FKBP10: variants seen among roughly 807,000 people sequenced by gnomAD.
FKBP10 encodes the protein FKBP prolyl isomerase 10.
Under a neutral mutation model 53.7 loss-of-function variants are expected in FKBP10, and 34 were observed. That is an observed-to-expected ratio of 0.63 (90% CI 0.48 to 0.84). The LOEUF (loss-of-function observed/expected upper bound fraction) is 0.84, where lower values mean the gene tolerates loss of function less well. FKBP10 is among the 40% of genes least tolerant of loss of function. FKBP10 has a pLI of 0.00. For synonymous variants in FKBP10, 324 were observed against 335.7 expected (o/e 0.97, Z 0.38); for missense variants, 748 against 797.8 (o/e 0.94, Z 0.75).
At chr17:41,816,653 GGGAGACAAAGAAGATAC>G (rs1418560198) in intron 1 of FKBP10, among the ~76,000 whole-genome samples, 3 of 152,076 alleles carry the variant, frequency 2.0e-5, no homozygotes, top group African/African-American at 7.2e-5. Context: ...CACCTCACAG[GGGAGACAAAGAAGATAC>G]GGAATGTAAA....
chr17:41,819,874 T>G (rs782324224), intron 6 of FKBP10, 199 bp downstream of exon 6: 386 of 1,541,180 alleles, frequency 2.5e-4, no homozygotes, highest in South Asian at 3.4e-4. Flanking sequence ...AGCGCCCCAC[T>G]TCGCCCCTTC....
intron 4 of FKBP10, chr17:41,818,792 A>G: frequency 2.2e-6 from 1 of 451,330 alleles, no homozygotes; most frequent in Non-Finnish European, 4.1e-6. Context: ...CGTCTCTACT[A>G]AAAATACAAA....
In FKBP10 at chr17:41,820,960, GC is replaced by G. The variant is rs1567856056; in HGVS notation, c.1276del (p.Gln426ArgfsTer10). The G allele has an allele frequency of 1.9e-6, 3 of 1,611,868 alleles. No individual in the cohort carries two copies. Among genetic ancestry groups the G allele is most frequent in the African/African-American group, 2.7e-5 (2 of 74,846 alleles). On this transcript the variant is annotated frameshift_variant, in exon 8 of 10. Coordinates refer to ENST00000321562, the MANE Select transcript of FKBP10 (RefSeq NM_021939.4). LOFTEE classifies it high-confidence loss of function. ...GCTCTCCCCCAGGCATGACTACGGG[GC>G]CCCCCAGGAGGCGACTCTCGGGGCC... is the stretch of plus-strand genomic sequence containing the variant. The part of the protein sequence containing the change: ...TQLFTSHDYG[A>X]PQEATLGANK...
In FKBP10 at chr17:41,821,668, G is replaced by T; in HGVS notation, c.1414G>T (p.Gly472Cys). 6.2e-7 allele frequency: 1 copy of T among 1,613,988 alleles called. No individual in the cohort carries two copies. Among genetic ancestry groups the T allele is most frequent in the Non-Finnish European group, 8.5e-7 (1 of 1,180,014 alleles). The change falls in exon 9 of 10, where the codon GGC (glycine) becomes TGC (cysteine). Residue 472 changes from glycine (G) to cysteine (C), a missense_variant. Physicochemically the swap from Gly to Cys is radical, Grantham distance 159. Transcript: ENST00000321562. ...HGESGARGVP[G>C]SAVLLFEVEL... ...CCTCCCTCCAGCCCGGGGAGTCCCA[G>T]GCAGTGCTGTGCTGCTGTTTGAGGT...
rs143903650 is a variant in FKBP10 at position 41,819,626 on chromosome 17, C to T, written c.1014C>T (p.Arg338=). 5.2e-5 allele frequency: 84 copies of T among 1,612,792 alleles called. No homozygotes were observed. The African/African-American group carries it at 1.1e-3, about 21-fold the overall frequency. ...TGCAGGGTGCCTGCATGGGGGAACG[C>T]CGGAGAATTACCATCCCCCCGCACC... ...QGLQGACMGE[R]RRITIPPHLA... The change falls in exon 6 of 10, where the codon CGC becomes CGT. Residue 338 remains arginine (R), a synonymous_variant. Transcript: ENST00000321562.
At chr17:41,815,799 AAT>A (rs1352938069) in intron 1 of FKBP10, among the ~76,000 whole-genome samples, 192 of 151,562 alleles carry the variant, frequency 1.3e-3, no homozygotes, top group African/African-American at 4.6e-3. Context: ...AAAAAAAAAA[AAT>A]CTCCCATCCT....
chr17:41,819,945 G>GCATA, intron 6 of FKBP10: 2 of 1,534,110 alleles, frequency 1.3e-6, no homozygotes, highest in Non-Finnish European at 1.8e-6. Context: ...AACAGAACCA[G>GCATA]CATACCCCCA....
At chr17:41,821,629 C>G in intron 8 of FKBP10, 25 bp from the exon 9 acceptor site, 1 of 1,612,958 alleles carries the variant, frequency 6.2e-7, no homozygotes, top group Non-Finnish European at 8.5e-7. Context: ...TAGGACCCCT[C>G]CCTTCTCTCC....
chr17:41,820,249 C>T lies in FKBP10; in HGVS notation c.1064-20C>T, dbSNP rs782151285. 4 of 1,613,830 alleles carry T rather than the reference C, an allele frequency of 2.5e-6. No individual in the cohort carries two copies. In the Admixed American group the frequency reaches 6.7e-5, roughly 27 times the overall value. On this transcript the variant is annotated intron_variant, in intron 6 of 9. Coordinates refer to ENST00000321562, the MANE Select transcript of FKBP10 (RefSeq NM_021939.4). ...CTCCTAGTGCTCTGAGCTGACCACA[C>T]TCCCCCATTCTGGCCTCAGGAGACA...
chr17:41,821,111 CTTTTTTTTTTTTTTT>C (rs10522999), intron 8 of FKBP10, 22 bp downstream of exon 8: 49 of 550,382 alleles, frequency 8.9e-5, no homozygotes, highest in East Asian at 1.8e-4. Flanking sequence ...AGACCATAAT[CTTTTTTTTTTTTTTT>C]TTTTTTTTTT....
chr17:41,820,877 T>C, intron 7 of FKBP10, 70 bp from the exon 8 acceptor site: 1 of 1,572,686 alleles, frequency 6.4e-7, no homozygotes, highest in South Asian at 1.2e-5. Context: ...TGGGCCCACC[T>C]CAGAGGGAGA....
intron 1 of FKBP10, 77 bp from the exon 2 acceptor site, chr17:41,816,981 A>G: frequency 1.2e-6 from 2 of 1,605,232 alleles, no homozygotes; most frequent in Non-Finnish European, 1.7e-6. Flanking sequence ...GTGCAGGCAC[A>G]CCTGTGCATC....
chr17:41,816,188 A>T (rs537550032), intron 1 of FKBP10, among the ~76,000 whole-genome samples: 2 of 151,756 alleles, frequency 1.3e-5, no homozygotes, highest in African/African-American at 2.4e-5. Context: ...AAAGTGTATA[A>T]CTAAAAACAA....
Position 41,813,207 on chromosome 17 carries a change from A to G in FKBP10, c.173A>G (p.Glu58Gly). 6.2e-7 allele frequency: 1 copy of G among 1,613,536 alleles called. No individual in the cohort carries two copies. The highest frequency in any genetic ancestry group is 8.5e-7 in the Non-Finnish European group (1 of 1,179,986). The change falls in exon 1 of 10, where the codon GAA (glutamate) becomes GGA (glycine). Residue 58 changes from glutamate to glycine, a missense_variant. Physicochemically the swap from Glu to Gly is moderately conservative, Grantham distance 98. Transcript: ENST00000321562. ...CACATCCCCAGGGCCTGTCCCCGGG[A>G]AGTGCAGATGGGGGATTTTGTGCGC... ...RYHIPRACPR[E>G]VQMGDFVRYH...
intron 6 of FKBP10, chr17:41,820,022 G>A: frequency 1.3e-6 from 2 of 1,487,736 alleles, no homozygotes; most frequent in Non-Finnish European, 1.8e-6. Context: ...CTGATCCGCA[G>A]GGTAAGTTAC....
At chr17:41,816,721 C>T (rs2047820294) in intron 1 of FKBP10, among the ~76,000 whole-genome samples, 1 of 152,186 alleles carries the variant, frequency 6.6e-6, no homozygotes, top group Non-Finnish European at 1.5e-5. Flanking sequence ...CTCCTCTGCC[C>T]CTCCGTGCTG....
intron 8 of FKBP10, 33 bp downstream of exon 8, chr17:41,821,122 T>G: frequency 6.7e-7 from 1 of 1,484,296 alleles, no homozygotes; most frequent in Non-Finnish European, 8.9e-7. Context: ...TTTTTTTTTT[T>G]TTTTTTTTTT....
At chr17:41,815,257 C>T (rs60806603) in intron 1 of FKBP10, among the ~76,000 whole-genome samples, 2,629 of 152,216 alleles carry the variant, frequency 0.017, 79 homozygotes, top group African/African-American at 0.061. Flanking sequence ...ACCCCAGCCT[C>T]GTGATCCGCC....
chr17:41,819,467 G>T, intron 5 of FKBP10, 63 bp from the exon 6 acceptor site: 1 of 1,613,894 alleles, frequency 6.2e-7, no homozygotes, highest in South Asian at 1.1e-5. Context: ...GGGTCACTCT[G>T]AGCTGCCTGG....
Sources: gnomAD v4.1 joint callset for allele counts (sites outside exome capture counted in the v4.1 genomes callset) on GRCh38, gnomAD v4.1.1 for gene constraint, MANE v1.5 for transcripts, NCBI Gene and HGNC (gene_info 2026-07-23, HGNC 2026-07-21) for gene names.